DGKB: variants seen among roughly 807,000 people sequenced by gnomAD.
The protein encoded by DGKB is diacylglycerol kinase beta.
DGKB carries 67 observed loss-of-function variants against 114.3 expected under a neutral mutation model. That is an observed-to-expected ratio of 0.59 (90% CI 0.48 to 0.72). The LOEUF is 0.72. Ranked by LOEUF, DGKB falls within the 30% of genes least tolerant of loss-of-function variation. The pLI, the probability that DGKB is intolerant of heterozygous loss-of-function variation, is 0.00. For missense variants in DGKB, 907 were observed against 975.2 expected, an observed-to-expected ratio of 0.93 and a Z score of 0.93; for synonymous variants, 398 against 323.1, an observed-to-expected ratio of 1.23 and a Z score of -2.49.
chr7:14,327,594 A>G (rs374107547), intron 23 of DGKB, among the ~76,000 whole-genome samples: 3 of 152,226 alleles, frequency 2.0e-5, no homozygotes, highest in East Asian at 3.9e-4. Context: ...TCCTACACAC[A>G]TTTTAAATTG....
intron 20 of DGKB, among the ~76,000 whole-genome samples, chr7:14,489,683 AGTGG>A (rs1176432103): frequency 6.6e-6 from 1 of 152,200 alleles, no homozygotes; most frequent in African/African-American, 2.4e-5. Flanking sequence ...ATTAAACTGA[AGTGG>A]GGAATGACCA....
chr7:14,878,755 C>CAAAAAAAAAAAAAA (rs5882472), intron 1 of DGKB, among the ~76,000 whole-genome samples: 4 of 112,974 alleles, frequency 3.5e-5, no homozygotes, highest in East Asian at 2.6e-4. Flanking sequence ...TCTCAAAAAA[C>CAAAAAAAAAAAAAA]AAAAAAAAAA....
intron 20 of DGKB, among the ~76,000 whole-genome samples, chr7:14,480,814 G>A (rs889503807): frequency 6.6e-6 from 1 of 151,988 alleles, no homozygotes; most frequent in Admixed American, 6.6e-5. Context: ...TACCTTGGTG[G>A]AGATTTAATA....
chr7:14,802,861 A>G (rs1842350138), intron 2 of DGKB, among the ~76,000 whole-genome samples: 1 of 152,148 alleles, frequency 6.6e-6, no homozygotes, highest in African/African-American at 2.4e-5. Flanking sequence ...CTGCATATTT[A>G]TATGTTCACA....
chr7:14,800,862 C>A (rs369919310), intron 2 of DGKB, among the ~76,000 whole-genome samples: 8 of 152,062 alleles, frequency 5.3e-5, no homozygotes, highest in Non-Finnish European at 1.0e-4. Flanking sequence ...ATAGTAATGG[C>A]CCCAATCCTT....
chr7:14,242,319 T>C (rs147417335), intron 23 of DGKB, among the ~76,000 whole-genome samples: 1,984 of 152,238 alleles, frequency 0.013, 45 homozygotes, highest in African/African-American at 0.046. Context: ...AAAGAAGCAG[T>C]AGGGCACCTG....
intron 21 of DGKB, among the ~76,000 whole-genome samples, chr7:14,385,967 A>G (rs1820275083): frequency 6.6e-6 from 1 of 152,230 alleles, no homozygotes; most frequent in African/African-American, 2.4e-5. Flanking sequence ...AACGGAAGAA[A>G]ATGCTAAATT....
intron 13 of DGKB, among the ~76,000 whole-genome samples, chr7:14,644,157 T>C (rs538137754): frequency 3.3e-5 from 5 of 151,438 alleles, no homozygotes; most frequent in East Asian, 1.9e-4. Flanking sequence ...TTACTGTACC[T>C]ACCTAGAACT....
chr7:14,770,260 G>C (rs1188601984), intron 2 of DGKB, among the ~76,000 whole-genome samples: 1 of 152,008 alleles, frequency 6.6e-6, no homozygotes, highest in Non-Finnish European at 1.5e-5. Context: ...TATGACACTG[G>C]TCTAACAGCA....
intron 1 of DGKB, among the ~76,000 whole-genome samples, chr7:14,947,331 T>C (rs192032105): frequency 4.6e-5 from 7 of 151,752 alleles, no homozygotes; most frequent in African/African-American, 1.4e-4. Context: ...AAAACAAAAC[T>C]GTTCTGTTAA....
chr7:14,845,304 CCCTT>C (rs1326408001), intron 1 of DGKB, among the ~76,000 whole-genome samples: 1 of 152,000 alleles, frequency 6.6e-6, no homozygotes, highest in African/African-American at 2.4e-5. Flanking sequence ...TACAGACCAT[CCCTT>C]CATTCATTTT....
chr7:14,338,861 AC>A (rs1415545793), intron 22 of DGKB, among the ~76,000 whole-genome samples, 151 bp from the exon 23 acceptor site: 1 of 152,092 alleles, frequency 6.6e-6, no homozygotes, highest in Non-Finnish European at 1.5e-5. Context: ...TTAAACACTT[AC>A]CCTGAGTCAA....
intron 23 of DGKB, among the ~76,000 whole-genome samples, chr7:14,272,418 G>T (rs191855370): frequency 1.3e-5 from 2 of 152,198 alleles, no homozygotes; most frequent in Non-Finnish European, 2.9e-5. Flanking sequence ...TGATAAAAAA[G>T]AAATGCATTT....
intron 23 of DGKB, among the ~76,000 whole-genome samples, chr7:14,240,495 C>T (rs1208210973): frequency 1.3e-5 from 2 of 151,988 alleles, no homozygotes. Context: ...ACCTAAGAAA[C>T]CTTAGTTCAT....
In DGKB at chr7:14,417,457, A is replaced by G. The variant is rs79781340; in HGVS notation, c.1835+60704T>C. 4.7e-3 allele frequency among the ~76,000 whole-genome samples: 717 copies of G among 152,196 alleles called. 6 individuals are homozygous for G. The highest frequency in any genetic ancestry group is 0.016 in the African/African-American group (653 of 41,560). On this transcript the variant is annotated intron_variant, in intron 21 of 25. Transcript: ENST00000402815. ...GAGCTGTTAGAATTATGAGGTATCC[A>G]CTAATTCAGAATATTAAATTTGAGA... is the stretch of plus-strand genomic sequence containing the variant.
intron 10 of DGKB, among the ~76,000 whole-genome samples, chr7:14,684,962 C>T (rs1347354959): frequency 1.3e-5 from 2 of 151,882 alleles, no homozygotes; most frequent in Non-Finnish European, 2.9e-5. Flanking sequence ...TCAAAATAAT[C>T]CCTGAAGAAA....
intron 23 of DGKB, among the ~76,000 whole-genome samples, chr7:14,295,948 C>G (rs571767430): frequency 2.6e-5 from 4 of 152,012 alleles, no homozygotes; most frequent in African/African-American, 4.8e-5. Flanking sequence ...TGAGTGAGAA[C>G]ATGCAGTGTT....
At chr7:14,814,541 A>G (rs1843849811) in intron 2 of DGKB, among the ~76,000 whole-genome samples, 1 of 152,192 alleles carries the variant, frequency 6.6e-6, no homozygotes, top group Admixed American at 6.5e-5. Context: ...TTTATTAAAA[A>G]TGAGTAATCT....
At chr7:14,192,790 G>A (rs941222930) in intron 23 of DGKB, among the ~76,000 whole-genome samples, 1 of 151,772 alleles carries the variant, frequency 6.6e-6, no homozygotes. Flanking sequence ...GTATTACAAT[G>A]TAATAATACA....
Sources: gnomAD v4.1 joint callset for allele counts (sites outside exome capture counted in the v4.1 genomes callset) on GRCh38, gnomAD v4.1.1 for gene constraint, MANE v1.5 for transcripts, NCBI Gene and HGNC (gene_info 2026-07-23, HGNC 2026-07-21) for gene names.